The following NARS2 variants were observed in gnomAD, a reference collection of about 807,000 sequenced individuals.
NARS2 encodes the protein asparaginyl-tRNA synthetase.
In NARS2, 60 loss-of-function variants were observed where a neutral mutation model predicts 62.9. The observed-to-expected ratio is 0.95, with a 90% CI of 0.77 to 1.18. NARS2 has a LOEUF of 1.18. Ranked by LOEUF, NARS2 falls within the 50% of genes most tolerant of loss-of-function variation. The pLI is 0.00. For missense variants in NARS2, 619 were observed against 576.4 expected (o/e 1.07, Z -0.76); for synonymous variants, 196 against 200.0 (o/e 0.98, Z 0.17).
chr11:78,463,672 G>A (rs1226971834), intron 11 of NARS2, among the ~76,000 whole-genome samples: 3 of 110,032 alleles, frequency 2.7e-5, no homozygotes, highest in Non-Finnish European at 5.2e-5. Context: ...GGTGACAAGA[G>A]TGAAATTCTA....
intron 6 of NARS2, among the ~76,000 whole-genome samples, chr11:78,505,825 A>C (rs762107316): frequency 2.6e-5 from 4 of 152,164 alleles, no homozygotes; most frequent in Non-Finnish European, 5.9e-5. Context: ...GGACAGGATA[A>C]AGAAATTCAT....
intron 6 of NARS2, among the ~76,000 whole-genome samples, chr11:78,502,884 C>G (rs1860333912): frequency 6.8e-6 from 1 of 147,514 alleles, no homozygotes; most frequent in Non-Finnish European, 1.5e-5. Flanking sequence ...ATCCCAGCTA[C>G]TTGGGAGGCT....
chr11:78,465,288 C>T (rs912513097), intron 11 of NARS2, among the ~76,000 whole-genome samples: 18 of 152,382 alleles, frequency 1.2e-4, no homozygotes, highest in African/African-American at 4.3e-4. Flanking sequence ...GCCTCTCCCT[C>T]CACACCACCC....
intron 11 of NARS2, among the ~76,000 whole-genome samples, chr11:78,460,062 G>A (rs554622496): frequency 1.3e-5 from 2 of 152,174 alleles, no homozygotes; most frequent in Non-Finnish European, 2.9e-5. Flanking sequence ...AGTCTGAGGT[G>A]AGAGAAAGAA....
chr11:78,554,233 T>C (rs986115168), intron 5 of NARS2, among the ~76,000 whole-genome samples: 4 of 152,122 alleles, frequency 2.6e-5, no homozygotes, highest in African/African-American at 9.7e-5. Context: ...CTATCTGGGC[T>C]ATCTTGGCTA....
At chr11:78,484,664 C>T (rs549503733) in intron 7 of NARS2, among the ~76,000 whole-genome samples, 1 of 152,182 alleles carries the variant, frequency 6.6e-6, no homozygotes, top group South Asian at 2.1e-4. Flanking sequence ...TAGAAAAATG[C>T]AAATAAAAAC....
chr11:78,572,664 ATTAT>A (rs1393052991), intron 1 of NARS2, among the ~76,000 whole-genome samples: 3 of 152,180 alleles, frequency 2.0e-5, no homozygotes, highest in African/African-American at 7.2e-5. Flanking sequence ...TATTGCTAAA[ATTAT>A]TTGTTTTAAC....
At chr11:78,520,218 C>T (rs1234188123) in intron 6 of NARS2, among the ~76,000 whole-genome samples, 1 of 152,192 alleles carries the variant, frequency 6.6e-6, no homozygotes, top group Non-Finnish European at 1.5e-5. Flanking sequence ...AAAGTGCCAG[C>T]AAGGTTGTGC....
chr11:78,567,182 C>A (rs2135536595), intron 3 of NARS2, among the ~76,000 whole-genome samples: 1 of 152,228 alleles, frequency 6.6e-6, no homozygotes, highest in East Asian at 1.9e-4. Flanking sequence ...TATAGTAGTC[C>A]CCCACTTACC....
chr11:78,549,707 G>A (rs1320042010), intron 5 of NARS2, among the ~76,000 whole-genome samples: 1 of 152,144 alleles, frequency 6.6e-6, no homozygotes, highest in African/African-American at 2.4e-5. Context: ...CAATCAGTCT[G>A]CAAGTAATGG....
intron 6 of NARS2, among the ~76,000 whole-genome samples, chr11:78,500,009 G>A (rs1860224153): frequency 6.6e-6 from 1 of 152,138 alleles, no homozygotes; most frequent in Admixed American, 6.5e-5. Context: ...AGAACAACAT[G>A]TAAGTACTTT....
At position 78,450,395 on chromosome 11, in the gene NARS2, G is replaced by A. The variant is rs147145310; in HGVS notation, c.1165-6637C>T. On this transcript the variant is annotated intron_variant, in intron 11 of 13. Coordinates refer to ENST00000281038, the MANE Select transcript of NARS2 (RefSeq NM_024678.6). ...CCACACCACTACTATATCTTTACTT[G>A]GTACTAATTTAATGGTATGCAGGAG... 3.2e-4 allele frequency among the ~76,000 whole-genome samples: 48 copies of A among 152,124 alleles called. 2 individuals are homozygous for A. The highest frequency in any genetic ancestry group is 2.9e-3 in the South Asian group (14 of 4,824).
chr11:78,444,729 A>AAG (rs202154171), intron 11 of NARS2, among the ~76,000 whole-genome samples: 69 of 146,246 alleles, frequency 4.7e-4, no homozygotes, highest in East Asian at 7.8e-4. Context: ...AAACAAAACA[A>AAG]AAAAAAAAAA....
At chr11:78,502,686 C>T (rs2135360322) in intron 6 of NARS2, among the ~76,000 whole-genome samples, 1 of 152,242 alleles carries the variant, frequency 6.6e-6, no homozygotes, top group Non-Finnish European at 1.5e-5. Context: ...TTTGCCACAA[C>T]ACATTTTTTA....
intron 7 of NARS2, among the ~76,000 whole-genome samples, chr11:78,488,420 C>T (rs1032980321): frequency 6.6e-6 from 1 of 152,038 alleles, no homozygotes; most frequent in Non-Finnish European, 1.5e-5. Flanking sequence ...GATCTGTGAG[C>T]CAAAGAATGC....
intron 1 of NARS2, chr11:78,573,663 A>T (rs756594202): frequency 7.9e-5 from 12 of 152,318 alleles, no homozygotes; most frequent in Non-Finnish European, 1.3e-4. Context: ...AAACAATAGC[A>T]GCTAACATTT....
intron 7 of NARS2, among the ~76,000 whole-genome samples, chr11:78,492,384 T>C (rs1859859556): frequency 6.6e-6 from 1 of 152,160 alleles, no homozygotes; most frequent in African/African-American, 2.4e-5. Flanking sequence ...CTCTAAATCA[T>C]TGTTCATATT....
chr11:78,550,923 G>A (rs894675356), intron 5 of NARS2, among the ~76,000 whole-genome samples: 3 of 152,136 alleles, frequency 2.0e-5, no homozygotes, highest in African/African-American at 7.2e-5. Context: ...AAGGAATGAA[G>A]TACTGATACA....
At chr11:78,540,439 T>C (rs10793324) in intron 5 of NARS2, among the ~76,000 whole-genome samples, 104,062 of 152,056 alleles carry the variant, frequency 0.68, 37,396 homozygotes, top group Non-Finnish European at 0.81. Context: ...CGAGAGTAAA[T>C]AGCAGTAAGC....
Sources: allele counts gnomAD v4.1 joint callset (sites outside exome capture counted in the v4.1 genomes callset), GRCh38; gene constraint gnomAD v4.1.1; transcripts MANE v1.5; gene names NCBI Gene and HGNC (gene_info 2026-07-23, HGNC 2026-07-21).